Variants in TSHZ2 observed in about 807,000 individuals in gnomAD.
The protein encoded by TSHZ2 is teashirt homolog 2.
A neutral mutation model predicts 74.4 loss-of-function variants in TSHZ2; 21 were observed. The ratio of observed to expected loss-of-function variants is 0.28; its 90% CI spans 0.20 to 0.41. The LOEUF is 0.41. Among genes scored for constraint, TSHZ2 ranks in the 10% least tolerant of loss-of-function variants. TSHZ2 has a pLI of 1.00. For synonymous variants in TSHZ2, 540 were observed against 515.3 expected (o/e 1.05, Z -0.65); for missense variants, 1,244 against 1,293.5 (o/e 0.96, Z 0.59).
chr20:53,083,923 ACAT>A (rs1254671229), intron 1 of TSHZ2, among the ~76,000 whole-genome samples: 7 of 152,084 alleles, frequency 4.6e-5, no homozygotes, highest in Admixed American at 3.3e-4. Context: ...CTGTCTTTTA[ACAT>A]CATTTGATTT....
At chr20:53,213,843 CTG>C (rs1377026176) in intron 1 of TSHZ2, among the ~76,000 whole-genome samples, 3 of 152,100 alleles carry the variant, frequency 2.0e-5, no homozygotes, top group Non-Finnish European at 4.4e-5. Context: ...AAGGGTAAGA[CTG>C]TGCCTCCTGA....
intron 1 of TSHZ2, among the ~76,000 whole-genome samples, chr20:53,222,934 A>G (rs1278455748): frequency 1.3e-5 from 2 of 152,236 alleles, no homozygotes; most frequent in Non-Finnish European, 2.9e-5. Flanking sequence ...CATTGTCCAG[A>G]AAAAAAGCTA....
At position 53,129,866 on chromosome 20, in the gene TSHZ2, T is replaced by C. The variant is rs538553736; in HGVS notation, c.41-123633T>C. Reference sequence around the variant, plus strand: ...CTTGCCTTTTGGTTTTCAGCACAAATTCCTGATCTGATTCACCAGGTCCTG... The same window carrying C: ...CTTGCCTTTTGGTTTTCAGCACAAACTCCTGATCTGATTCACCAGGTCCTG... On this transcript the variant is annotated intron_variant, in intron 1 of 2. Transcript: ENST00000371497. Among the ~76,000 whole-genome samples the C allele has an allele frequency of 3.9e-5, 6 of 151,960 alleles. No individual in the cohort carries two copies. The East Asian group carries it at 1.2e-3, about 30-fold the overall frequency.
At chr20:53,349,909 G>A (rs1032213053) in intron 2 of TSHZ2, among the ~76,000 whole-genome samples, 1 of 152,148 alleles carries the variant, frequency 6.6e-6, no homozygotes, top group Non-Finnish European at 1.5e-5. Context: ...TAAGGTGTCA[G>A]CAGAATTGGT....
At chr20:53,440,851 T>G (rs1984284749) in intron 2 of TSHZ2, among the ~76,000 whole-genome samples, 1 of 152,168 alleles carries the variant, frequency 6.6e-6, no homozygotes, top group African/African-American at 2.4e-5. Context: ...CAAGCCACGT[T>G]GGGAAAAAAC....
At chr20:53,125,799 C>G (rs1986933281) in intron 1 of TSHZ2, among the ~76,000 whole-genome samples, 1 of 151,896 alleles carries the variant, frequency 6.6e-6, no homozygotes, top group Non-Finnish European at 1.5e-5. Flanking sequence ...CATTAGATAA[C>G]CAAATCTATC....
intron 2 of TSHZ2, among the ~76,000 whole-genome samples, chr20:53,308,623 T>A (rs892413856): frequency 3.9e-5 from 6 of 152,068 alleles, no homozygotes; most frequent in African/African-American, 1.2e-4. Flanking sequence ...GTTTGAAAAA[T>A]ACGTATTTAG....
chr20:53,440,656 G>A (rs930964776), intron 2 of TSHZ2, among the ~76,000 whole-genome samples: 2 of 152,160 alleles, frequency 1.3e-5, no homozygotes, highest in African/African-American at 4.8e-5. Context: ...TCTCAAGTTT[G>A]GCTGTGCCGT....
At chr20:53,205,324 C>G (rs2123592467) in intron 1 of TSHZ2, among the ~76,000 whole-genome samples, 1 of 152,288 alleles carries the variant, frequency 6.6e-6, no homozygotes, top group South Asian at 2.1e-4. Context: ...ATTATGGTAT[C>G]TCTCCAACTT....
intron 1 of TSHZ2, among the ~76,000 whole-genome samples, chr20:53,156,046 G>A (rs1380768751): frequency 6.6e-6 from 1 of 152,086 alleles, no homozygotes; most frequent in African/African-American, 2.4e-5. Context: ...TTTTCTCCTG[G>A]GAACAAGGGG....
chr20:53,410,471 C>T (rs1003501682), intron 2 of TSHZ2, among the ~76,000 whole-genome samples: 9 of 152,068 alleles, frequency 5.9e-5, no homozygotes, highest in East Asian at 1.9e-4. Context: ...ATAACAAAAT[C>T]GGTGGAGGAG....
intron 2 of TSHZ2, among the ~76,000 whole-genome samples, chr20:53,363,974 A>G (rs2145609463): frequency 6.6e-6 from 1 of 152,332 alleles, no homozygotes; most frequent in South Asian, 2.1e-4. Context: ...TTTTCTATCA[A>G]GTTGGGAGAG....
chr20:53,248,665 A>G (rs748593201), intron 1 of TSHZ2, among the ~76,000 whole-genome samples: 2 of 152,170 alleles, frequency 1.3e-5, no homozygotes, highest in Non-Finnish European at 2.9e-5. Context: ...TTGTTGAATC[A>G]AAGTCTGTTC....
chr20:53,085,372 AAGAGAG>A (rs145856132), intron 1 of TSHZ2, among the ~76,000 whole-genome samples: 4 of 150,538 alleles, frequency 2.7e-5, no homozygotes, highest in Non-Finnish European at 4.4e-5. Flanking sequence ...CTCAAAAAGA[AAGAGAG>A]AGAGAGAGAG....
chr20:53,480,664 G>A (rs916571937), intron 2 of TSHZ2, among the ~76,000 whole-genome samples: 2 of 152,088 alleles, frequency 1.3e-5, no homozygotes, highest in African/African-American at 4.8e-5. Context: ...GGAGCCTCAC[G>A]TTCCCAGCCC....
At chr20:53,063,085 T>A (rs545120985) in intron 1 of TSHZ2, among the ~76,000 whole-genome samples, 3 of 152,044 alleles carry the variant, frequency 2.0e-5, no homozygotes, top group African/African-American at 7.2e-5. Flanking sequence ...ATCATCATAA[T>A]AGATATAACA....
chr20:52,981,202 G>A lies in TSHZ2; in HGVS notation c.40+7869G>A, dbSNP rs1242051231. ...CAGCGGAGTAAGGGCAAGTGACTTG[G>A]GTTCTGGTTGCAGCCTTGCCCCACG... On this transcript the variant is annotated intron_variant, in intron 1 of 2. Coordinates refer to ENST00000371497, the MANE Select transcript of TSHZ2 (RefSeq NM_173485.6). Among the ~76,000 whole-genome samples the A allele has an allele frequency of 2.0e-5, 3 of 152,172 alleles. No individual in the cohort carries two copies. The East Asian group carries it at 5.8e-4, about 29-fold the overall frequency.
At chr20:53,315,854 G>A (rs1300943003) in intron 2 of TSHZ2, among the ~76,000 whole-genome samples, 1 of 152,142 alleles carries the variant, frequency 6.6e-6, no homozygotes, top group Non-Finnish European at 1.5e-5. Context: ...AGGGGCCTAC[G>A]TTGGTATGAG....
chr20:52,999,245 C>T (rs1241321682), intron 1 of TSHZ2, among the ~76,000 whole-genome samples: 1 of 152,194 alleles, frequency 6.6e-6, no homozygotes, highest in Non-Finnish European at 1.5e-5. Context: ...TTATTAAGCA[C>T]ACCACCTGGG....
Sources: gnomAD v4.1 joint callset for allele counts (sites outside exome capture counted in the v4.1 genomes callset) on GRCh38, gnomAD v4.1.1 for gene constraint, MANE v1.5 for transcripts, NCBI Gene and HGNC (gene_info 2026-07-23, HGNC 2026-07-21) for gene names.